The following DGKB variants were observed in gnomAD, a reference collection of about 807,000 sequenced individuals.
DGKB encodes diacylglycerol kinase beta, also known as 90 kDa diacylglycerol kinase.
In DGKB, 67 loss-of-function variants were observed where a neutral mutation model predicts 114.3. The observed-to-expected ratio is 0.59, with a 90% confidence interval of 0.48 to 0.72. The LOEUF is 0.72. Among genes scored for constraint, DGKB ranks in the 30% least tolerant of loss-of-function variants. The pLI is 0.00. For missense variants in DGKB, 907 were observed against 975.2 expected, an observed-to-expected ratio of 0.93 and a Z score of 0.93; for synonymous variants, 398 against 323.1, an observed-to-expected ratio of 1.23 and a Z score of -2.49.
At chr7:14,445,329 G>T (rs1251571622) in intron 21 of DGKB, among the ~76,000 whole-genome samples, 5 of 151,748 alleles carry the variant, frequency 3.3e-5, no homozygotes. Flanking sequence ...CTGCTACATT[G>T]CTTTGATTTA....
intron 20 of DGKB, among the ~76,000 whole-genome samples, chr7:14,479,011 T>C (rs1385228478): frequency 6.6e-6 from 1 of 152,140 alleles, no homozygotes; most frequent in African/African-American, 2.4e-5. Flanking sequence ...AAGCACGGAC[T>C]GCTCCAACTG....
intron 1 of DGKB, among the ~76,000 whole-genome samples, chr7:14,935,143 A>C (rs796848225): frequency 3.3e-5 from 5 of 152,294 alleles, no homozygotes; most frequent in African/African-American, 1.2e-4. Context: ...ATGGTTTTCC[A>C]ATTTAAAGTG....
intron 13 of DGKB, among the ~76,000 whole-genome samples, chr7:14,649,735 T>C (rs1411667782): frequency 7.1e-6 from 1 of 141,742 alleles, no homozygotes; most frequent in African/African-American, 2.7e-5. Flanking sequence ...ATCAGTGTGC[T>C]GTATTCAGGA....
rs953192737 is a variant in DGKB at position 14,315,238 on chromosome 7, C to A, written c.2122+23277G>T. On this transcript the variant is annotated intron_variant, in intron 23 of 25. Coordinates refer to ENST00000402815, the MANE Select transcript of DGKB (RefSeq NM_001350709.2). The stretch of plus-strand genomic sequence containing the variant: ...AACTGCATCAACTAACGAGCAAAAT[C>A]ACCAGCTAACATCATAATGACAGCA... Among the ~76,000 whole-genome samples the A allele has an allele frequency of 3.3e-3, 493 of 150,002 alleles. 2 individuals are homozygous for A. Among genetic ancestry groups the A allele is most frequent in the African/African-American group, 0.012 (475 of 40,948 alleles).
chr7:14,786,095 A>C (rs975693118), intron 2 of DGKB, among the ~76,000 whole-genome samples: 1 of 152,036 alleles, frequency 6.6e-6, no homozygotes, highest in African/African-American at 2.4e-5. Flanking sequence ...CCTGTGTCAC[A>C]AACTTCATAG....
chr7:14,151,227 CG>C (rs1362917714), intron 25 of DGKB, among the ~76,000 whole-genome samples: 3 of 151,788 alleles, frequency 2.0e-5, no homozygotes, highest in Admixed American at 2.0e-4. Context: ...ATGCTTTACA[CG>C]GTATAATAGC....
intron 2 of DGKB, among the ~76,000 whole-genome samples, chr7:14,816,242 G>A (rs1343122844): frequency 6.6e-6 from 1 of 152,142 alleles, no homozygotes; most frequent in Non-Finnish European, 1.5e-5. Context: ...GCCGAGACAG[G>A]AGAATCGCTT....
chr7:14,406,475 AGT>A (rs1823947319), intron 21 of DGKB, among the ~76,000 whole-genome samples: 1 of 152,082 alleles, frequency 6.6e-6, no homozygotes, highest in South Asian at 2.1e-4. Flanking sequence ...ATTAGAAAAA[AGT>A]GTTGGCTCTA....
intron 16 of DGKB, 67 bp downstream of exon 16, chr7:14,613,273 C>T: frequency 3.3e-6 from 3 of 899,718 alleles, no homozygotes; most frequent in Non-Finnish European, 5.2e-6. Flanking sequence ...AGCATTTTTA[C>T]ATCATAGTTT....
chr7:14,673,079 C>T, intron 12 of DGKB, 52 bp from the exon 13 acceptor site: 2 of 986,934 alleles, frequency 2.0e-6, no homozygotes, highest in South Asian at 1.4e-5. Context: ...CAACGCCTAA[C>T]ATGGGGGAGA....
intron 21 of DGKB, among the ~76,000 whole-genome samples, chr7:14,409,923 G>A (rs977953793): frequency 6.6e-6 from 1 of 151,982 alleles, no homozygotes; most frequent in African/African-American, 2.4e-5. Context: ...CAGTGTAGTA[G>A]TACACACAAC....
At chr7:14,332,749 G>T (rs903838000) in intron 23 of DGKB, among the ~76,000 whole-genome samples, 1 of 152,146 alleles carries the variant, frequency 6.6e-6, no homozygotes, top group African/African-American at 2.4e-5. Context: ...TTTTCCATCA[G>T]TGGAGTCCTT....
At chr7:14,574,454 C>T in intron 19 of DGKB, 82 bp from the exon 20 acceptor site, 2 of 1,114,378 alleles carry the variant, frequency 1.8e-6, no homozygotes, top group Admixed American at 4.5e-5. Context: ...TGTGCTTATG[C>T]ATATGTAATA....
intron 15 of DGKB, among the ~76,000 whole-genome samples, chr7:14,618,370 G>C (rs575222852): frequency 2.0e-4 from 30 of 151,294 alleles, no homozygotes; most frequent in African/African-American, 6.3e-4. Context: ...TTTCTTTCTC[G>C]TGCTAAAAGT....
At chr7:14,925,413 T>C (rs1444161982) in intron 1 of DGKB, among the ~76,000 whole-genome samples, 1 of 152,212 alleles carries the variant, frequency 6.6e-6, no homozygotes, top group Non-Finnish European at 1.5e-5. Flanking sequence ...AGTTTGGAGA[T>C]TTTTAAAATG....
intron 1 of DGKB, among the ~76,000 whole-genome samples, chr7:14,867,171 G>C (rs969099582): frequency 2.0e-5 from 3 of 152,104 alleles, no homozygotes; most frequent in Non-Finnish European, 4.4e-5. Flanking sequence ...CTCTCAGTCT[G>C]TGCCTTGTCT....
At chr7:14,655,362 C>T (rs144562636) in intron 13 of DGKB, among the ~76,000 whole-genome samples, 16 of 151,720 alleles carry the variant, frequency 1.1e-4, no homozygotes, top group African/African-American at 1.7e-4. Flanking sequence ...GTTAGAATGG[C>T]TATTATCAAA....
intron 4 of DGKB, among the ~76,000 whole-genome samples, chr7:14,737,800 A>G (rs2128403922): frequency 6.6e-6 from 1 of 151,994 alleles, no homozygotes; most frequent in South Asian, 2.1e-4. Context: ...CCACCATAGA[A>G]TATTGTCAAT....
intron 21 of DGKB, among the ~76,000 whole-genome samples, chr7:14,440,012 C>G (rs551633743): frequency 1.1e-3 from 169 of 151,962 alleles, no homozygotes; most frequent in Middle Eastern, 3.4e-3. Flanking sequence ...GAGATGCTAA[C>G]AAAAAACAAA....
Sources: allele counts gnomAD v4.1 joint callset (sites outside exome capture counted in the v4.1 genomes callset), GRCh38; gene constraint gnomAD v4.1.1; transcripts MANE v1.5; gene names NCBI Gene and HGNC (gene_info 2026-07-23, HGNC 2026-07-21).